Variants in ABI1 observed in about 807,000 individuals in gnomAD.
ABI1 encodes abl interactor 1, also known as Abelson interactor 1.
ABI1 carries 14 observed loss-of-function variants against 54.6 expected under a neutral mutation model. The observed-to-expected ratio is 0.26, with a 90% CI of 0.17 to 0.40. The LOEUF (loss-of-function observed/expected upper bound fraction) is 0.40. Among genes scored for constraint, ABI1 ranks in the 10% least tolerant of loss-of-function variants. The pLI is 1.00. For synonymous variants in ABI1, 194 were observed against 209.3 expected, an observed-to-expected ratio of 0.93 and a Z score of 0.63; for missense variants, 443 against 598.3, an observed-to-expected ratio of 0.74 and a Z score of 2.71.
At chr10:26,813,721 C>T (rs967164001) in intron 2 of ABI1, among the ~76,000 whole-genome samples, 18 of 152,100 alleles carry the variant, frequency 1.2e-4, no homozygotes, top group African/African-American at 3.4e-4. Flanking sequence ...GATCGTCTTA[C>T]CAAACATTTT....
At chr10:26,776,956 G>A (rs1841482862) in intron 3 of ABI1, 109 bp downstream of exon 3, 1 of 1,003,058 alleles carries the variant, frequency 1.0e-6, no homozygotes, top group Non-Finnish European at 1.4e-6. Context: ...AAATTATAAT[G>A]CCAGCTGCTA....
At chr10:26,794,383 T>C (rs1843854853) in intron 2 of ABI1, among the ~76,000 whole-genome samples, 1 of 152,066 alleles carries the variant, frequency 6.6e-6, no homozygotes, top group East Asian at 1.9e-4. Context: ...CATTCCAAAC[T>C]GGGTGACAAA....
At chr10:26,841,118 CAT>C (rs1245159190) in intron 1 of ABI1, among the ~76,000 whole-genome samples, 1 of 152,134 alleles carries the variant, frequency 6.6e-6, no homozygotes, top group African/African-American at 2.4e-5. Flanking sequence ...TGTGTCAGAC[CAT>C]ATGGCATGCA....
At position 26,755,730 on chromosome 10, in the gene ABI1, G is replaced by C. The variant is rs751973928; in HGVS notation, c.1009C>G (p.Pro337Ala). Reference sequence around the variant, plus strand: ...AACTGAGGCATAGGGGGAGGGGGTGGAGCAATAGAAACTGGTAGCAACAAC... The same window carrying C: ...AACTGAGGCATAGGGGGAGGGGGTGCAGCAATAGAAACTGGTAGCAACAAC... ...LYSQNSISIA[P>A]PPPPMPQLTP... Residue 337 changes from proline (P) to alanine (A), a missense_variant, in exon 9 of 11, where the codon CCA becomes GCA. Physicochemically the swap from Pro to Ala is conservative, Grantham distance 27 (BLOSUM62 -1). Around this residue, in one of 2 missense-constraint regions of ABI1, gnomAD observed 394 missense variants for 484.8 expected, o/e 0.81. Transcript: ENST00000376140. The C allele has an allele frequency of 5.0e-6, 8 of 1,612,308 alleles. No individual in the cohort carries two copies. Among genetic ancestry groups the C allele is most frequent in the Non-Finnish European group, 6.8e-6 (8 of 1,178,716 alleles).
chr10:26,824,186 T>C (rs745763360), intron 1 of ABI1, among the ~76,000 whole-genome samples: 5 of 152,124 alleles, frequency 3.3e-5, no homozygotes, highest in African/African-American at 4.8e-5. Flanking sequence ...TCACTCATTA[T>C]AGGAAAGAAA....
At chr10:26,776,003 G>C (rs1346656489) in intron 3 of ABI1, among the ~76,000 whole-genome samples, 1 of 152,142 alleles carries the variant, frequency 6.6e-6, no homozygotes, top group African/African-American at 2.4e-5. Context: ...CCAGAGATCA[G>C]TCTAGTTTAA....
chr10:26,802,029 CAG>C (rs534117394), intron 2 of ABI1, among the ~76,000 whole-genome samples: 212 of 152,236 alleles, frequency 1.4e-3, no homozygotes, highest in Non-Finnish European at 2.5e-4. Context: ...AAAGGAGAAA[CAG>C]GGGAAAACCA....
chr10:26,826,394 C>T (rs2048307139), intron 1 of ABI1, among the ~76,000 whole-genome samples: 1 of 152,174 alleles, frequency 6.6e-6, no homozygotes, highest in Non-Finnish European at 1.5e-5. Flanking sequence ...AACAGATATG[C>T]TGTCATCCAG....
intron 2 of ABI1, chr10:26,789,294 G>A (rs935685421): frequency 6.6e-6 from 1 of 152,186 alleles, no homozygotes; most frequent in Admixed American, 6.5e-5. Context: ...ACCTGAAGGA[G>A]AAGAGACAAA....
chr10:26,753,771 CAG>C (rs1837926437), intron 9 of ABI1, among the ~76,000 whole-genome samples: 2 of 152,102 alleles, frequency 1.3e-5, no homozygotes, highest in African/African-American at 4.8e-5. Flanking sequence ...TCAAAGAAAA[CAG>C]AAACCAAATA....
intron 7 of ABI1, among the ~76,000 whole-genome samples, chr10:26,762,317 G>C (rs1839342233): frequency 6.6e-6 from 1 of 152,148 alleles, no homozygotes; most frequent in African/African-American, 2.4e-5. Flanking sequence ...CTTACAGCTT[G>C]TTATAATATA....
intron 2 of ABI1, among the ~76,000 whole-genome samples, chr10:26,806,264 C>T (rs1463273723): frequency 6.6e-6 from 1 of 152,158 alleles, no homozygotes; most frequent in East Asian, 1.9e-4. Flanking sequence ...CTTCTGGATA[C>T]AATTTCTGAT....
intron 3 of ABI1, 29 bp from the exon 4 acceptor site, chr10:26,771,118 A>G (rs750032637): frequency 5.6e-6 from 9 of 1,612,960 alleles, no homozygotes; most frequent in Non-Finnish European, 7.6e-6. Context: ...AGGGGGGGAA[A>G]AAGTAGACAT....
chr10:26,837,066 G>A (rs1164993878), intron 1 of ABI1, among the ~76,000 whole-genome samples: 1 of 152,152 alleles, frequency 6.6e-6, no homozygotes, highest in African/African-American at 2.4e-5. Context: ...TGTTACCTGA[G>A]AAATCACTCT....
At chr10:26,798,603 A>T (rs987891463) in intron 2 of ABI1, among the ~76,000 whole-genome samples, 1 of 152,118 alleles carries the variant, frequency 6.6e-6, no homozygotes, top group East Asian at 1.9e-4. Flanking sequence ...TAAGATAATA[A>T]AGATATGTTA....
chr10:26,766,220 C>T (rs182167717), intron 6 of ABI1, among the ~76,000 whole-genome samples: 30 of 152,282 alleles, frequency 2.0e-4, no homozygotes, highest in Admixed American at 5.2e-4. Context: ...GGAATAGTTG[C>T]TACTGATAAA....
intron 2 of ABI1, among the ~76,000 whole-genome samples, chr10:26,798,089 AAGAG>A (rs762558652): frequency 6.6e-6 from 1 of 152,180 alleles, no homozygotes; most frequent in Non-Finnish European, 1.5e-5. Flanking sequence ...GACTAGGAAA[AAGAG>A]AGGACAAAAA....
Position 26,860,852 on chromosome 10 carries a change from C to T in ABI1, c.12G>A (p.Leu4=). ...GGATCTCCTCCTCTAGTAACATCTGCAGCTCTGCCATTTTCCACCCCTCTG... is the reference window on the plus strand; with the variant it reads ...GGATCTCCTCCTCTAGTAACATCTGTAGCTCTGCCATTTTCCACCCCTCTG... MAE[L]QMLLEEEIPS... is the part of the protein sequence containing the mutation. Residue 4 remains leucine (L), a synonymous_variant, in exon 1 of 11, where the codon CTG becomes CTA. Coordinates refer to ENST00000376140, the MANE Select transcript of ABI1 (RefSeq NM_001012750.3). The surrounding 1 kb of genome is among the most constrained non-coding windows in gnomAD (Gnocchi z 4.1). 3 of 1,614,074 alleles carry T rather than the reference C, an allele frequency of 1.9e-6. No individual in the cohort carries two copies. Among genetic ancestry groups the T allele is most frequent in the Non-Finnish European group, 2.5e-6 (3 of 1,179,950 alleles).
chr10:26,831,682 C>T (rs1303657338), intron 1 of ABI1, among the ~76,000 whole-genome samples: 1 of 152,038 alleles, frequency 6.6e-6, no homozygotes, highest in Non-Finnish European at 1.5e-5. Flanking sequence ...AATCCTGACC[C>T]TTTTCTCCTT....
Sources: gnomAD v4.1 joint callset for allele counts (sites outside exome capture counted in the v4.1 genomes callset) on GRCh38, gnomAD v4.1.1 for gene constraint, gnomAD v4.1.1 regional missense constraint, Gnocchi (gnomAD v3.1) non-coding constraint, MANE v1.5 for transcripts, NCBI Gene and HGNC (gene_info 2026-07-23, HGNC 2026-07-21) for gene names.